The following LDB2 variants were observed in gnomAD, a reference collection of about 807,000 sequenced individuals.
LDB2 encodes the protein LIM domain binding 2.
Under a neutral mutation model 44.3 loss-of-function variants are expected in LDB2, and 12 were observed. The ratio of observed to expected loss-of-function variants is 0.27; its 90% confidence interval spans 0.17 to 0.44. The LOEUF (loss-of-function observed/expected upper bound fraction) is 0.44. Among genes scored for constraint, LDB2 ranks in the 20% least tolerant of loss-of-function variants. The pLI, the probability that LDB2 is intolerant of heterozygous loss-of-function variation, is 1.00. For missense variants in LDB2, 344 were observed against 473.5 expected (o/e 0.73, Z 2.54); for synonymous variants, 164 against 174.8 (o/e 0.94, Z 0.49).
At chr4:16,831,487 G>A (rs771549310) in intron 1 of LDB2, among the ~76,000 whole-genome samples, 25 of 152,130 alleles carry the variant, frequency 1.6e-4, no homozygotes, top group Non-Finnish European at 1.8e-4. Context: ...TCCCTATGGT[G>A]GTTGTTGCAA....
chr4:16,670,393 G>A (rs1578642316), intron 2 of LDB2, among the ~76,000 whole-genome samples: 1 of 152,174 alleles, frequency 6.6e-6, no homozygotes, highest in Admixed American at 6.5e-5. Context: ...TGAGTGCTGT[G>A]TTTATTCACA....
chr4:16,774,576 C>G (rs749705461), intron 1 of LDB2, among the ~76,000 whole-genome samples: 13 of 152,074 alleles, frequency 8.5e-5, no homozygotes, highest in Non-Finnish European at 1.3e-4. Flanking sequence ...CTAAGTCAAG[C>G]CTTTGAAAGA....
At chr4:16,748,099 G>A (rs925621300) in intron 2 of LDB2, among the ~76,000 whole-genome samples, 1 of 152,310 alleles carries the variant, frequency 6.6e-6, no homozygotes, top group East Asian at 1.9e-4. Context: ...TAATGGTGCT[G>A]TGCTTCATTA....
intron 7 of LDB2, chr4:16,506,031 G>A (rs41268379): frequency 5.8e-5 from 89 of 1,536,204 alleles, no homozygotes; most frequent in Non-Finnish European, 7.1e-5. Flanking sequence ...CCTAGCCCTC[G>A]CCAGACACAC....
chr4:16,870,931 G>A (rs954181148), intron 1 of LDB2, among the ~76,000 whole-genome samples: 1 of 152,142 alleles, frequency 6.6e-6, no homozygotes, highest in African/African-American at 2.4e-5. Flanking sequence ...ACCATGCCCT[G>A]CCTCCTTGCG....
At chr4:16,544,449 G>A (rs1046048581) in intron 5 of LDB2, among the ~76,000 whole-genome samples, 2 of 152,188 alleles carry the variant, frequency 1.3e-5, no homozygotes, top group Admixed American at 6.5e-5. Context: ...AAACCCTGGA[G>A]TTGTTGGCAG....
intron 2 of LDB2, among the ~76,000 whole-genome samples, chr4:16,609,355 G>A (rs944496006): frequency 3.4e-5 from 5 of 148,886 alleles, no homozygotes; most frequent in Admixed American, 2.0e-4. Context: ...AGGGGGCGGG[G>A]GGGGGAGGGG....
chr4:16,871,316 T>C (rs1716522063), intron 1 of LDB2, among the ~76,000 whole-genome samples: 2 of 152,336 alleles, frequency 1.3e-5, no homozygotes, highest in South Asian at 4.1e-4. Context: ...TGGCAAATGC[T>C]AAAATGCAGG....
In LDB2 at chr4:16,718,566, G is replaced by A. The variant is rs139172881; in HGVS notation, c.235+40592C>T. On this transcript the variant is annotated intron_variant, in intron 2 of 7. Transcript: ENST00000304523. ...TAGTCATTGACCTAAGGATTGCTCT[G>A]TCATTTCTCAAAGTTTGCCCTGAAG... is the stretch of plus-strand genomic sequence containing the variant. Among the ~76,000 whole-genome samples the A allele has an allele frequency of 1.7e-3, 254 of 152,174 alleles. 2 individuals carry two copies. The highest frequency in any genetic ancestry group is 2.8e-3 in the Non-Finnish European group (189 of 68,012).
intron 5 of LDB2, among the ~76,000 whole-genome samples, chr4:16,532,655 C>A (rs780243868): frequency 6.6e-5 from 10 of 152,180 alleles, no homozygotes; most frequent in Admixed American, 1.3e-4. Context: ...GAGGTAAATA[C>A]TTGATAAATG....
At chr4:16,624,838 G>A (rs1039916986) in intron 2 of LDB2, among the ~76,000 whole-genome samples, 2 of 152,178 alleles carry the variant, frequency 1.3e-5, no homozygotes, top group African/African-American at 4.8e-5. Context: ...ACAATTTACT[G>A]TATTTAAAGT....
intron 1 of LDB2, among the ~76,000 whole-genome samples, chr4:16,761,669 G>A (rs1388586524): frequency 6.6e-6 from 1 of 152,120 alleles, no homozygotes; most frequent in Admixed American, 6.5e-5. Context: ...TAAATTAGTA[G>A]GTATAAAGTG....
At chr4:16,511,096 A>G (rs142602488) in intron 6 of LDB2, among the ~76,000 whole-genome samples, 4 of 152,292 alleles carry the variant, frequency 2.6e-5, no homozygotes, top group Admixed American at 1.3e-4. Context: ...CTAAATATGT[A>G]CTTGATTAAA....
intron 2 of LDB2, among the ~76,000 whole-genome samples, chr4:16,696,215 C>A (rs115791892): frequency 2.0e-4 from 31 of 152,226 alleles, no homozygotes; most frequent in African/African-American, 7.5e-4. Flanking sequence ...TGGGCTGTAG[C>A]GGAACAGTGA....
chr4:16,892,600 A>G (rs1405041843), intron 1 of LDB2, among the ~76,000 whole-genome samples: 1 of 152,182 alleles, frequency 6.6e-6, no homozygotes, highest in Non-Finnish European at 1.5e-5. Flanking sequence ...CCAAATCCAA[A>G]TAAGTAAGTT....
At chr4:16,682,924 C>G (rs940007657) in intron 2 of LDB2, among the ~76,000 whole-genome samples, 3 of 152,198 alleles carry the variant, frequency 2.0e-5, no homozygotes, top group African/African-American at 7.2e-5. Context: ...CTGATTCATC[C>G]CACTTTCATT....
At chr4:16,807,655 G>A (rs1779035574) in intron 1 of LDB2, among the ~76,000 whole-genome samples, 1 of 152,148 alleles carries the variant, frequency 6.6e-6, no homozygotes, top group Non-Finnish European at 1.5e-5. Flanking sequence ...ATCTTTCATG[G>A]CCAAGTCAGT....
intron 1 of LDB2, among the ~76,000 whole-genome samples, chr4:16,774,643 C>G (rs568180138): frequency 6.6e-6 from 1 of 152,252 alleles, no homozygotes; most frequent in South Asian, 2.1e-4. Context: ...AACCAAAGCT[C>G]AGAAAGGTTA....
At chr4:16,542,966 A>T (rs986594432) in intron 5 of LDB2, among the ~76,000 whole-genome samples, 1 of 113,270 alleles carries the variant, frequency 8.8e-6, no homozygotes, top group Non-Finnish European at 1.7e-5. Flanking sequence ...GATGTTCCCC[A>T]CCCTGTGTCC....
Sources: gnomAD v4.1 joint callset for allele counts (sites outside exome capture counted in the v4.1 genomes callset) on GRCh38, gnomAD v4.1.1 for gene constraint, MANE v1.5 for transcripts, NCBI Gene and HGNC (gene_info 2026-07-23, HGNC 2026-07-21) for gene names.